UBE2V2: variants seen among roughly 807,000 people sequenced by gnomAD.
The protein encoded by UBE2V2 is ubiquitin conjugating enzyme E2 V2.
Under a neutral mutation model 17.2 loss-of-function variants are expected in UBE2V2, and 9 were observed. That is an observed-to-expected ratio of 0.52 (90% CI 0.32 to 0.91). The LOEUF is 0.91. Among genes scored for constraint, UBE2V2 ranks in the 40% least tolerant of loss-of-function variants. The pLI is 0.04. For synonymous variants in UBE2V2, 61 were observed against 57.5 expected, an observed-to-expected ratio of 1.06 and a Z score of -0.28; for missense variants, 133 against 182.6, an observed-to-expected ratio of 0.73 and a Z score of 1.56.
chr8:48,048,606 T>A (rs1458181016), intron 2 of UBE2V2, among the ~76,000 whole-genome samples: 2 of 152,222 alleles, frequency 1.3e-5, no homozygotes, highest in Admixed American at 1.3e-4. Context: ...TTGCTTGCTA[T>A]TAATCTCAGA....
chr8:48,014,501 C>T (rs1021168558), intron 1 of UBE2V2, among the ~76,000 whole-genome samples: 5 of 151,436 alleles, frequency 3.3e-5, no homozygotes, highest in African/African-American at 1.2e-4. Context: ...AAAAATTAGC[C>T]GAGTGTGGTG....
At chr8:47,999,993 A>T in the UBE2V2 span, among the ~76,000 whole-genome samples, 4 of 152,342 alleles carry the variant, frequency 2.6e-5, no homozygotes, top group Non-Finnish European at 5.9e-5. Context: ...TTTTCCATAC[A>T]ATGTTTGGAA....
the UBE2V2 span, among the ~76,000 whole-genome samples, chr8:47,998,248 A>C: frequency 6.6e-6 from 1 of 151,920 alleles, no homozygotes; most frequent in African/African-American, 2.4e-5. Context: ...ATTGCATAGG[A>C]GGCACCCAAG....
chr8:48,012,357 T>G (rs980109257), intron 1 of UBE2V2, among the ~76,000 whole-genome samples: 3 of 152,166 alleles, frequency 2.0e-5, no homozygotes, highest in Non-Finnish European at 4.4e-5. Context: ...AATTTGATAC[T>G]GTTTAGTACT....
intron 1 of UBE2V2, among the ~76,000 whole-genome samples, chr8:48,025,602 T>C (rs2154507142): frequency 6.7e-6 from 1 of 148,724 alleles, no homozygotes; most frequent in Non-Finnish European, 1.5e-5. Context: ...CTTTTTTTTT[T>C]CTTTCTTTTT....
chr8:48,005,587 T>C (rs1156657713), upstream of UBE2V2, among the ~76,000 whole-genome samples: 1 of 152,224 alleles, frequency 6.6e-6, no homozygotes, highest in Non-Finnish European at 1.5e-5. Context: ...CCTTGAGGAA[T>C]CGCCACACTG....
At chr8:48,006,836 C>A (rs1414040637), upstream of UBE2V2, among the ~76,000 whole-genome samples, 1 of 152,060 alleles carries the variant, frequency 6.6e-6, no homozygotes, top group Non-Finnish European at 1.5e-5. Context: ...CAATATCATA[C>A]TGAATGGGCG....
chr8:47,997,834 C>T, the UBE2V2 span, among the ~76,000 whole-genome samples: 2 of 151,506 alleles, frequency 1.3e-5, no homozygotes, highest in East Asian at 1.9e-4. Flanking sequence ...TGGAGGCATA[C>T]GGTGGGGGGG....
intron 1 of UBE2V2, among the ~76,000 whole-genome samples, chr8:48,029,402 A>G (rs904944739): frequency 6.6e-6 from 1 of 152,188 alleles, no homozygotes; most frequent in Non-Finnish European, 1.5e-5. Context: ...ATAAATGAAT[A>G]AAAACAACCT....
chr8:48,039,879 G>C (rs1248161051), intron 1 of UBE2V2, among the ~76,000 whole-genome samples: 1 of 151,878 alleles, frequency 6.6e-6, no homozygotes, highest in Non-Finnish European at 1.5e-5. Context: ...GCATGTGCCA[G>C]CTACCACACC....
chr8:48,032,112 A>G (rs1421197864), intron 1 of UBE2V2, among the ~76,000 whole-genome samples: 1 of 152,170 alleles, frequency 6.6e-6, no homozygotes, highest in Non-Finnish European at 1.5e-5. Context: ...ACAGTATTTA[A>G]AAAAACTGTT....
At chr8:48,006,459 C>T (rs1437529091), upstream of UBE2V2, among the ~76,000 whole-genome samples, 4 of 152,100 alleles carry the variant, frequency 2.6e-5, no homozygotes, top group Non-Finnish European at 5.9e-5. Context: ...TGTGATGCCT[C>T]CAGCTTTGTT....
chr8:48,006,388 C>T (rs1178005705), upstream of UBE2V2, among the ~76,000 whole-genome samples: 1 of 151,734 alleles, frequency 6.6e-6, no homozygotes, highest in East Asian at 1.9e-4. Context: ...TGTTTTGGTA[C>T]CAGTACTAGG....
rs551962403 is a variant in UBE2V2, at chr8:48,008,730, C to T, written c.16+260C>T. ...GGGGTGGCTCCCGCGCGGGCGCCCC[C>T]GTAGGTTCCGGCGGGCGCGGGTCCG... On this transcript the variant is annotated intron_variant, in intron 1 of 3. Transcript: ENST00000523111. Among the ~76,000 whole-genome samples the T allele has an allele frequency of 3.3e-5, 5 of 151,038 alleles. No homozygotes were observed. In the East Asian group the frequency reaches 7.8e-4, roughly 23 times the overall value.
chr8:48,011,110 A>G (rs1342210005), intron 1 of UBE2V2, among the ~76,000 whole-genome samples: 2 of 152,086 alleles, frequency 1.3e-5, no homozygotes, highest in African/African-American at 2.4e-5. Flanking sequence ...GTACCTGTGT[A>G]TTTGTGAAAG....
At chr8:48,033,583 A>G (rs948758118) in intron 1 of UBE2V2, among the ~76,000 whole-genome samples, 14 of 152,138 alleles carry the variant, frequency 9.2e-5, no homozygotes, top group African/African-American at 3.4e-4. Flanking sequence ...TAGTGAGTCA[A>G]ATTAACATAT....
At chr8:48,028,282 G>A (rs1015375550) in intron 1 of UBE2V2, among the ~76,000 whole-genome samples, 2 of 150,702 alleles carry the variant, frequency 1.3e-5, no homozygotes, top group Non-Finnish European at 2.9e-5. Flanking sequence ...ATCCTCCCAC[G>A]TTAGCCTCCA....
At chr8:48,015,866 C>T (rs1387134057) in intron 1 of UBE2V2, among the ~76,000 whole-genome samples, 3 of 151,196 alleles carry the variant, frequency 2.0e-5, no homozygotes, top group Non-Finnish European at 4.4e-5. Context: ...ATACGTATAC[C>T]ACATGTTCTT....
At chr8:48,046,480 C>T (rs982885696) in intron 2 of UBE2V2, among the ~76,000 whole-genome samples, 2 of 152,130 alleles carry the variant, frequency 1.3e-5, no homozygotes, top group African/African-American at 4.8e-5. Context: ...CTCAGACTCC[C>T]GACCTCAGAT....
Sources: allele counts gnomAD v4.1 joint callset (sites outside exome capture counted in the v4.1 genomes callset), GRCh38; gene constraint gnomAD v4.1.1; transcripts MANE v1.5; gene names NCBI Gene and HGNC (gene_info 2026-07-23, HGNC 2026-07-21).